The following C5 variants were observed in gnomAD, a reference collection of about 807,000 sequenced individuals.
C5 encodes complement C5.
Under a neutral mutation model 218.8 loss-of-function variants are expected in C5, and 140 were observed. The observed-to-expected ratio is 0.64, with a 90% CI of 0.56 to 0.74. C5 has a LOEUF of 0.74. Among genes scored for constraint, C5 ranks in the 30% least tolerant of loss-of-function variants. The pLI, the probability that C5 is intolerant of heterozygous loss-of-function variation, is 0.00. For synonymous variants in C5, 614 were observed against 682.3 expected, an observed-to-expected ratio of 0.90 and a Z score of 1.56; for missense variants, 1,700 against 1,969.6, an observed-to-expected ratio of 0.86 and a Z score of 2.59.
chr9:120,981,078 G>T (rs2046989572), intron 27 of C5, among the ~76,000 whole-genome samples: 1 of 152,154 alleles, frequency 6.6e-6, no homozygotes, highest in East Asian at 1.9e-4. Context: ...TAGTCCTGAC[G>T]CCACCAAAAT....
At chr9:121,037,458 C>T (rs904462125) in intron 4 of C5, among the ~76,000 whole-genome samples, 29 of 147,524 alleles carry the variant, frequency 2.0e-4, no homozygotes, top group Admixed American at 1.5e-3. Flanking sequence ...GGACTACAGG[C>T]GCCTGCCACT....
chr9:120,960,003 T>C lies in C5; in HGVS notation c.4678+245A>G, dbSNP rs564735890. On this transcript the variant is annotated intron_variant, in intron 38 of 40. Coordinates refer to ENST00000223642, the MANE Select transcript of C5 (RefSeq NM_001735.3). ...AGTGCCTGTAATTGAAAAAGCTCTA[T>C]TGTGGGAAAGTATCCTGGCTGGGTA... is the stretch of plus-strand genomic sequence containing the variant. Among the ~76,000 whole-genome samples, 12 of 152,268 alleles carry C rather than the reference T, an allele frequency of 7.9e-5. No individual in the cohort carries two copies. In the East Asian group the frequency reaches 1.7e-3, roughly 22 times the overall value.
intron 38 of C5, among the ~76,000 whole-genome samples, chr9:120,957,939 A>G (rs2046798237): frequency 6.6e-6 from 1 of 152,200 alleles, no homozygotes; most frequent in Non-Finnish European, 1.5e-5. Flanking sequence ...TCAGATATCA[A>G]TGTTTGATGC....
the C5 span, among the ~76,000 whole-genome samples, chr9:121,070,383 T>TGA: frequency 2.5e-5 from 1 of 40,798 alleles, no homozygotes; most frequent in Non-Finnish European, 4.4e-5. Flanking sequence ...GAAGGAAGGG[T>TGA]GATATATATA....
Position 120,952,826 on chromosome 9 carries a change from C to T in C5, c.4944G>A (p.Trp1648Ter), listed in dbSNP as rs747007843. The part of the protein sequence containing the change: ...PLDSLTWIEY[W>*]PRDTTCSSCQ... ...ACGATGAACATGTTGTGTCTCTAGGCCAGTATTCAATCCAGGTCAAGGAAT... is the reference window on the plus strand; with the variant it reads ...ACGATGAACATGTTGTGTCTCTAGGTCAGTATTCAATCCAGGTCAAGGAAT... The change falls in exon 41 of 41, where the codon TGG becomes TGA. Residue 1648 changes from tryptophan to a stop codon, truncating the protein, a stop_gained. Coordinates refer to ENST00000223642, the MANE Select transcript of C5 (RefSeq NM_001735.3). LOFTEE classifies it high-confidence loss of function. 2 of 1,613,822 alleles carry T rather than the reference C, an allele frequency of 1.2e-6. No homozygotes were observed. The highest frequency in any genetic ancestry group is 1.7e-5 in the Admixed American group (1 of 60,022).
chr9:121,055,707 G>C, the C5 span, among the ~76,000 whole-genome samples: 3 of 152,134 alleles, frequency 2.0e-5, no homozygotes, highest in Non-Finnish European at 4.4e-5. Flanking sequence ...ATGTGGCCTT[G>C]GGCCTTGAAT....
In C5 at chr9:120,996,252, T is replaced by C. The variant is rs752846952; in HGVS notation, c.2839A>G (p.Arg947Gly). 6.2e-6 allele frequency: 10 copies of C among 1,610,310 alleles called. No homozygotes were observed. Among genetic ancestry groups the C allele is most frequent in the Non-Finnish European group, 8.5e-6 (10 of 1,176,604 alleles). ...TCATTTTGCCTACCATAAATACCCC[T>C]AGGATCCAAAGTAACACCAGAATAG... is the stretch of plus-strand genomic sequence containing the variant. ...ESYSGVTLDP[R>G]GIYGTISRRK... Residue 947 changes from arginine (R) to glycine (G), a missense_variant, in exon 22 of 41, where the codon AGG becomes GGG. Coordinates refer to ENST00000223642, the MANE Select transcript of C5 (RefSeq NM_001735.3).
At chr9:120,963,350 C>CA (rs11383711) in intron 34 of C5, among the ~76,000 whole-genome samples, 8,200 of 151,876 alleles carry the variant, frequency 0.054, 658 homozygotes, top group African/African-American at 0.17. Context: ...ACTAAACATA[C>CA]AAAAAAATTA....
At position 120,957,341 on chromosome 9, in the gene C5, G is replaced by A. The variant is rs776573047; in HGVS notation, c.4706C>T (p.Thr1569Ile). The change falls in exon 39 of 41, where the codon ACT becomes ATT. Residue 1569 changes from threonine (T) to isoleucine (I), a missense_variant. Coordinates refer to ENST00000223642, the MANE Select transcript of C5 (RefSeq NM_001735.3). Reference sequence around the variant, plus strand: ...GTACTTGACAAAAACATTTTCTACAGTGATGGATGTGATGCTAACTTTATA... The same window carrying A: ...GTACTTGACAAAAACATTTTCTACAATGATGGATGTGATGCTAACTTTATA... ...YAYKVSITSI[T>I]VENVFVKYKA... 4 of 1,612,826 alleles carry A rather than the reference G, an allele frequency of 2.5e-6. No individual in the cohort carries two copies. The Admixed American group carries it at 5.0e-5, about 20-fold the overall frequency.
At position 120,976,827 on chromosome 9, in the gene C5, C is replaced by T. The variant is rs142569129; in HGVS notation, c.3737G>A (p.Arg1246His). The change falls in exon 29 of 41, where the codon CGT becomes CAT. Residue 1246 changes from arginine (R) to histidine (H), a missense_variant. By Grantham distance (29) the Arg-to-His change is conservative. Coordinates refer to ENST00000223642, the MANE Select transcript of C5 (RefSeq NM_001735.3). ...DSSVPNTGTA[R>H]MVETTAYALL... ...AGCATAGGCAGTTGTTTCTACCATA[C>T]GTGCCGTACCAGTGTTAGGTACAGA... 16 of 1,613,934 alleles carry T rather than the reference C, an allele frequency of 9.9e-6. No homozygotes were observed. Among genetic ancestry groups the T allele is most frequent in the Middle Eastern group, 1.6e-4 (1 of 6,084 alleles).
chr9:121,040,434 T>G (rs1206945235), intron 3 of C5, among the ~76,000 whole-genome samples: 2 of 152,200 alleles, frequency 1.3e-5, no homozygotes, highest in Non-Finnish European at 2.9e-5. Context: ...CAGTAAAGCC[T>G]TGAAGCCTTT....
chr9:121,064,249 CT>C, the C5 span, among the ~76,000 whole-genome samples: 1 of 151,514 alleles, frequency 6.6e-6, no homozygotes, highest in South Asian at 2.1e-4. Context: ...CTTAAGTTAA[CT>C]TCACTTTTTT....
At chr9:121,025,764 A>G (rs1386539774) in intron 8 of C5, 184 bp from the exon 9 acceptor site, 1 of 544,968 alleles carries the variant, frequency 1.8e-6, no homozygotes, top group African/African-American at 1.9e-5. Flanking sequence ...AATTATTTGT[A>G]TAGAATTATA....
chr9:121,046,475 T>G, intron 1 of C5, 92 bp from the exon 2 acceptor site: 1 of 837,974 alleles, frequency 1.2e-6, no homozygotes, highest in South Asian at 1.4e-5. Flanking sequence ...GAGATTCCAT[T>G]TAAAATACAT....
At chr9:121,015,165 T>A in intron 16 of C5, 34 bp downstream of exon 16, 3 of 1,390,984 alleles carry the variant, frequency 2.2e-6, no homozygotes, top group Non-Finnish European at 3.1e-6. Context: ...GATATGACCA[T>A]AACCTTTTTA....
At chr9:121,034,706 C>A in intron 5 of C5, 97 bp downstream of exon 5, 1 of 712,326 alleles carries the variant, frequency 1.4e-6, no homozygotes, top group South Asian at 1.5e-5. Flanking sequence ...ACCTATGTGA[C>A]ACCCTTTGTT....
chr9:121,047,721 G>A (rs911958233), intron 1 of C5, among the ~76,000 whole-genome samples: 2 of 152,096 alleles, frequency 1.3e-5, no homozygotes, highest in Non-Finnish European at 2.9e-5. Flanking sequence ...CAGTTATCCT[G>A]CATTACAATT....
At chr9:121,038,716 C>G (rs2047551544) in intron 3 of C5, among the ~76,000 whole-genome samples, 1 of 152,118 alleles carries the variant, frequency 6.6e-6, no homozygotes, top group African/African-American at 2.4e-5. Context: ...ATTTCATGGC[C>G]AAAACTTTAC....
chr9:121,013,745 G>C, intron 17 of C5, 128 bp downstream of exon 17: 1 of 875,494 alleles, frequency 1.1e-6, no homozygotes, highest in Non-Finnish European at 1.8e-6. Context: ...TTTTCTTATG[G>C]ACATTTACAA....
Sources: allele counts gnomAD v4.1 joint callset (sites outside exome capture counted in the v4.1 genomes callset), GRCh38; gene constraint gnomAD v4.1.1; transcripts MANE v1.5; gene names NCBI Gene and HGNC (gene_info 2026-07-23, HGNC 2026-07-21).